MAN1A2: variants seen among roughly 807,000 people sequenced by gnomAD.
MAN1A2 encodes the protein mannosyl-oligosaccharide 1,2-alpha-mannosidase IB.
MAN1A2 carries 26 observed loss-of-function variants against 75.7 expected under a neutral mutation model. The ratio of observed to expected loss-of-function variants is 0.34; its 90% CI spans 0.25 to 0.48. MAN1A2 has a LOEUF of 0.48. Ranked by LOEUF, MAN1A2 falls within the 20% of genes least tolerant of loss-of-function variation. MAN1A2 has a pLI of 0.99. For synonymous variants in MAN1A2, 247 were observed against 264.6 expected (o/e 0.93, Z 0.65); for missense variants, 562 against 775.5 (o/e 0.72, Z 3.27).
In MAN1A2 at chr1:117,496,766, A is replaced by G. The variant is rs904164045; in HGVS notation, c.1288A>G (p.Ile430Val). The change falls in exon 10 of 13, where the codon ATA becomes GTA. Residue 430 changes from isoleucine (I) to valine (V), a missense_variant. Physicochemically the swap from Ile to Val is conservative, Grantham distance 29 (BLOSUM62 3). This residue lies in a region of MAN1A2 where 434 missense variants were observed against 645.7 expected (regional missense o/e 0.67). Coordinates refer to ENST00000356554, the MANE Select transcript of MAN1A2 (RefSeq NM_006699.5). ...GAATATCTTTTCTTTCCTGTAGGCT[A>G]TAGAAAAACATCTTATTAAGAAGTC... The part of the protein sequence containing the change: ...RKMYDDAIEA[I>V]EKHLIKKSRG... 19 of 1,605,896 alleles carry G rather than the reference A, an allele frequency of 1.2e-5. No individual in the cohort carries two copies. The Admixed American group carries it at 2.9e-4, about 24-fold the overall frequency.
In MAN1A2 at chr1:117,466,343, A is replaced by G. The variant is rs763283769; in HGVS notation, c.1084A>G (p.Ile362Val). The G allele has an allele frequency of 3.3e-5, 53 of 1,606,202 alleles. No individual in the cohort carries two copies. The highest frequency in any genetic ancestry group is 3.7e-5 in the Non-Finnish European group (43 of 1,174,590). The change falls in exon 8 of 13, where the codon ATT becomes GTT. Residue 362 changes from isoleucine to valine, a missense_variant. Coordinates refer to ENST00000356554, the MANE Select transcript of MAN1A2 (RefSeq NM_006699.5). ...ATTTTATTTTACTCAGGTTATGCAC[A>G]TTCGGAAACTACTTCAGAAAATGGA... ...DLTYYKKVMHIRKLLQKMDRP... is the reference protein window; with the variant it reads ...DLTYYKKVMHVRKLLQKMDRP...
intron 2 of MAN1A2, among the ~76,000 whole-genome samples, chr1:117,405,185 A>G (rs1429905653): frequency 6.6e-6 from 1 of 152,182 alleles, no homozygotes. Context: ...GGGATTTTCT[A>G]GCTAGGGTGA....
In MAN1A2 at chr1:117,412,056, T is replaced by G. The variant is rs531174342; in HGVS notation, c.656-2657T>G. Among the ~76,000 whole-genome samples, 252 of 151,958 alleles carry G rather than the reference T, an allele frequency of 1.7e-3. 1 individual carries two copies. Among genetic ancestry groups the G allele is most frequent in the African/African-American group, 5.8e-3 (241 of 41,534 alleles). ...TATAAAGAATTTACAAATTGAATTT[T>G]AAGATCTTTTTCCCTATGTTATATA... is the stretch of plus-strand genomic sequence containing the variant. On this transcript the variant is annotated intron_variant, in intron 3 of 12. Transcript: ENST00000356554.
rs1234351039 is a variant in MAN1A2 at position 117,526,097 on chromosome 1, T to G, written c.*3140T>G. On this transcript the variant is annotated 3_prime_UTR_variant, in exon 13 of 13. Transcript: ENST00000356554. ...CTCCACTCTCCATTGCCAAAGTCTT[T>G]GTCAAAACTCCAAATTTGTTGATAA... 1 of 151,852 alleles carries G rather than the reference T, an allele frequency of 6.6e-6. No homozygotes were observed. The highest frequency in any genetic ancestry group is 2.4e-5 in the African/African-American group (1 of 41,412). The allele number at this position is 151,852 out of a possible 1,614,324, so 9.4% of individuals were successfully genotyped here. A position where few individuals can be genotyped will look rare whatever the true frequency, so the allele number is the denominator to read the frequency against.
chr1:117,450,024 T>C (rs558163722), intron 6 of MAN1A2, among the ~76,000 whole-genome samples: 1 of 152,182 alleles, frequency 6.6e-6, no homozygotes, highest in East Asian at 1.9e-4. Flanking sequence ...TGCCTGAAAA[T>C]GTGGAACAAC....
At position 117,527,165 on chromosome 1, in the gene MAN1A2, G is replaced by C. The variant is rs1483370465; in HGVS notation, c.*4208G>C. The C allele has an allele frequency of 1.3e-5, 2 of 151,556 alleles. No individual in the cohort carries two copies. The highest frequency in any genetic ancestry group is 4.8e-5 in the African/African-American group (2 of 41,312). 9.4% of individuals were successfully genotyped at this position (151,556 alleles called of 1,614,324 possible). A position where few individuals can be genotyped will look rare whatever the true frequency, so the allele number is the denominator to read the frequency against. ...AGATCAGGATGGACATGCTCTTTTT[G>C]ATCTATAACTGTTCAGCCAGCTTCC... is the stretch of plus-strand genomic sequence containing the variant. On this transcript the variant is annotated 3_prime_UTR_variant, in exon 13 of 13. Coordinates refer to ENST00000356554, the MANE Select transcript of MAN1A2 (RefSeq NM_006699.5).
intron 6 of MAN1A2, among the ~76,000 whole-genome samples, chr1:117,449,842 C>T (rs1428800334): frequency 6.6e-6 from 1 of 152,136 alleles, no homozygotes; most frequent in Non-Finnish European, 1.5e-5. Flanking sequence ...CAGAGGAAGG[C>T]CCTAACTCTC....
chr1:117,480,169 A>C (rs536705231), intron 8 of MAN1A2, among the ~76,000 whole-genome samples: 1 of 151,782 alleles, frequency 6.6e-6, no homozygotes, highest in Admixed American at 6.6e-5. Context: ...TACTCAAGGG[A>C]GATCCTTTGC....
At chr1:117,458,927 C>T (rs995291679) in intron 6 of MAN1A2, among the ~76,000 whole-genome samples, 3 of 152,098 alleles carry the variant, frequency 2.0e-5, no homozygotes, top group Non-Finnish European at 1.5e-5. Context: ...CTTGAATCAT[C>T]TAGACTTCCA....
chr1:117,422,937 C>CT (rs1390638249), intron 5 of MAN1A2, among the ~76,000 whole-genome samples: 1 of 151,976 alleles, frequency 6.6e-6, no homozygotes, highest in African/African-American at 2.4e-5. Context: ...CTAATTTTGT[C>CT]TTTTATGGTT....
intron 11 of MAN1A2, 91 bp downstream of exon 11, chr1:117,499,645 T>C: frequency 9.8e-7 from 1 of 1,020,578 alleles, no homozygotes; most frequent in Non-Finnish European, 1.3e-6. Context: ...TACCTCATTT[T>C]TAGTATCTGT....
chr1:117,509,963 C>T (rs945816780), intron 12 of MAN1A2, among the ~76,000 whole-genome samples: 2 of 151,522 alleles, frequency 1.3e-5, no homozygotes, highest in South Asian at 2.1e-4. Context: ...TATCCTTTAG[C>T]CTTTTTTCTC....
chr1:117,427,382 C>T (rs964262227), intron 5 of MAN1A2, among the ~76,000 whole-genome samples: 1 of 152,116 alleles, frequency 6.6e-6, no homozygotes, highest in East Asian at 1.9e-4. Context: ...ATCATGTTGA[C>T]TGTTGTCATT....
At chr1:117,498,398 A>G (rs1354631860) in intron 10 of MAN1A2, among the ~76,000 whole-genome samples, 4 of 151,902 alleles carry the variant, frequency 2.6e-5, no homozygotes, top group Non-Finnish European at 4.4e-5. Context: ...GGTATATCAT[A>G]GTTACTATAA....
At chr1:117,397,794 G>T (rs1647242822) in intron 1 of MAN1A2, among the ~76,000 whole-genome samples, 1 of 151,804 alleles carries the variant, frequency 6.6e-6, no homozygotes, top group African/African-American at 2.4e-5. Flanking sequence ...TGGGATTACA[G>T]GCACCTACCA....
rs183378588 is a variant in MAN1A2 at position 117,523,667 on chromosome 1, G to T, written c.*710G>T. 9.4e-5 allele frequency: 15 copies of T among 160,222 alleles called. No homozygotes were observed. Among genetic ancestry groups the T allele is most frequent in the Non-Finnish European group, 2.0e-4 (15 of 73,398 alleles). 9.9% of individuals were successfully genotyped at this position (160,222 alleles called of 1,614,324 possible). ...GTCTTTTTCTTCTTATGGAATCATC[G>T]AAACTGCTATTTATCATAATCACCA... On this transcript the variant is annotated 3_prime_UTR_variant, in exon 13 of 13. Coordinates refer to ENST00000356554, the MANE Select transcript of MAN1A2 (RefSeq NM_006699.5).
intron 5 of MAN1A2, among the ~76,000 whole-genome samples, chr1:117,426,390 A>G (rs1204515586): frequency 6.6e-6 from 1 of 152,038 alleles, no homozygotes; most frequent in African/African-American, 2.4e-5. Flanking sequence ...GATATCTTTA[A>G]TTATTTTCTA....
At position 117,399,739 on chromosome 1, in the gene MAN1A2, A is replaced by G. The variant is rs539508728; in HGVS notation, c.303-2447A>G. Among the ~76,000 whole-genome samples the G allele has an allele frequency of 3.3e-5, 5 of 152,254 alleles. No homozygotes were observed. In the East Asian group the frequency reaches 9.7e-4, roughly 29 times the overall value. Reference sequence around the variant, plus strand: ...GGCTCTCTTAGCTTTAGGCTTCACAAATACATTTGAAGACAGGAATAGGTG... The same window carrying G: ...GGCTCTCTTAGCTTTAGGCTTCACAGATACATTTGAAGACAGGAATAGGTG... On this transcript the variant is annotated intron_variant, in intron 1 of 12. Coordinates refer to ENST00000356554, the MANE Select transcript of MAN1A2 (RefSeq NM_006699.5).
At chr1:117,430,348 GCGGAGACGC>G (rs1449529425) in intron 5 of MAN1A2, among the ~76,000 whole-genome samples, 3,025 of 114,478 alleles carry the variant, frequency 0.026, 11 homozygotes, top group Non-Finnish European at 0.036. Context: ...TGGCTGCCGG[GCGGAGACGC>G]TCCTCACTTC....
Sources: gnomAD v4.1 joint callset for allele counts (sites outside exome capture counted in the v4.1 genomes callset) on GRCh38, gnomAD v4.1.1 for gene constraint, gnomAD v4.1.1 regional missense constraint, MANE v1.5 for transcripts, NCBI Gene and HGNC (gene_info 2026-07-23, HGNC 2026-07-21) for gene names.